The following PLEKHA8 variants were observed in gnomAD, a reference collection of about 807,000 sequenced individuals.
PLEKHA8 encodes the protein pleckstrin homology domain-containing family A member 8.
A neutral mutation model predicts 68.2 loss-of-function variants in PLEKHA8; 36 were observed. That is an observed-to-expected ratio of 0.53 (90% CI 0.40 to 0.70). PLEKHA8 has a LOEUF of 0.70. PLEKHA8 is among the 30% of genes least tolerant of loss of function. PLEKHA8 has a pLI of 0.00. For synonymous variants in PLEKHA8, 211 were observed against 216.1 expected, an observed-to-expected ratio of 0.98 and a Z score of 0.20; for missense variants, 505 against 615.4, an observed-to-expected ratio of 0.82 and a Z score of 1.90.
rs1312048633 is a variant in PLEKHA8, at chr7:30,083,642, G to GA, written c.*4862dup. ...TTTTTATATAGCCTTTAATTAAAAG[G>GA]AAAAAAATACCACTACTCTGCAATG... On this transcript the variant is annotated 3_prime_UTR_variant, in exon 14 of 14. Transcript: ENST00000449726. 22 of 985,018 alleles carry GA rather than the reference G, an allele frequency of 2.2e-5. No individual in the cohort carries two copies. The highest frequency in any genetic ancestry group is 2.7e-5 in the Non-Finnish European group (22 of 829,832). 61.0% of individuals were successfully genotyped at this position (985,018 alleles called of 1,614,324 possible).
chr7:30,115,962 G>GTATA (rs1796496579), intron 13 of PLEKHA8: 1 of 116,730 alleles, frequency 8.6e-6, no homozygotes, highest in Admixed American at 8.3e-5. Context: ...ATACATGCAT[G>GTATA]CATACATGTG....
intron 13 of PLEKHA8, among the ~76,000 whole-genome samples, chr7:30,115,681 C>CATGCATACACGTATACATGT (rs1562557514): frequency 4.4e-4 from 64 of 145,764 alleles, no homozygotes; most frequent in South Asian, 1.5e-3. Context: ...TACATACGCA[C>CATGCATACACGTATACATGT]ATACATGCAT....
At chr7:30,115,627 T>G (rs1471952531) in intron 13 of PLEKHA8, among the ~76,000 whole-genome samples, 1 of 151,578 alleles carries the variant, frequency 6.6e-6, no homozygotes, top group African/African-American at 2.4e-5. Context: ...CACACATACA[T>G]GTACACATAC....
At chr7:30,046,111 C>A in intron 2 of PLEKHA8, 99 bp from the exon 3 acceptor site, 1 of 1,188,006 alleles carries the variant, frequency 8.4e-7, no homozygotes, top group Non-Finnish European at 1.2e-6. Flanking sequence ...AAGAAGCCTT[C>A]AATGACTGCC....
chr7:30,108,970 T>G (rs1231231696), intron 13 of PLEKHA8, among the ~76,000 whole-genome samples: 1 of 152,198 alleles, frequency 6.6e-6, no homozygotes, highest in African/African-American at 2.4e-5. Context: ...TAGAAGAGCC[T>G]GGGGCTAGTG....
intron 13 of PLEKHA8, chr7:30,129,213 T>C: frequency 6.2e-7 from 1 of 1,612,026 alleles, no homozygotes; most frequent in Admixed American, 1.7e-5. Context: ...ACTAAAAGAG[T>C]AATGACAGTT....
At chr7:30,115,813 C>T (rs536298261) in intron 13 of PLEKHA8, 2 of 136,502 alleles carry the variant, frequency 1.5e-5, no homozygotes, top group African/African-American at 5.9e-5. Context: ...TACACGCATG[C>T]ATGTATACAT....
downstream of PLEKHA8, chr7:30,130,062 T>C (rs1796847715): frequency 6.6e-6 from 1 of 152,252 alleles, no homozygotes; most frequent in Admixed American, 6.5e-5. Context: ...CAGCAGCTTC[T>C]GGCTTAGTAA....
intron 13 of PLEKHA8, among the ~76,000 whole-genome samples, chr7:30,128,036 T>C (rs1322678636): frequency 2.0e-5 from 3 of 152,100 alleles, no homozygotes; most frequent in African/African-American, 7.2e-5. Flanking sequence ...GCTTTCATAC[T>C]TTCTCTATTA....
Position 30,082,524 on chromosome 7 carries a change from G to A in PLEKHA8, c.*3737G>A. ...AAAGCGGGTGAATGACATGACATGG[G>A]GCACCTAGGAAAGATGATTATTAGA... is the stretch of plus-strand genomic sequence containing the variant. On this transcript the variant is annotated 3_prime_UTR_variant, in exon 14 of 14. Transcript: ENST00000449726. 1 of 985,308 alleles carries A rather than the reference G, an allele frequency of 1.0e-6. No homozygotes were observed. The highest frequency in any genetic ancestry group is 1.1e-4 in the East Asian group (1 of 8,814). 61.0% of individuals were successfully genotyped at this position (985,308 alleles called of 1,614,324 possible).
chr7:30,055,485 A>C lies in PLEKHA8; in HGVS notation c.1039+143A>C, dbSNP rs1583822457. 1.3e-5 allele frequency: 9 copies of C among 685,060 alleles called. No individual in the cohort carries two copies. In the East Asian group the frequency reaches 2.4e-4, roughly 18 times the overall value. The allele number at this position is 685,060 out of a possible 1,614,324, so 42.4% of individuals were successfully genotyped here. A position where few individuals can be genotyped will look rare whatever the true frequency, so the allele number is the denominator to read the frequency against. On this transcript the variant is annotated intron_variant, in intron 9 of 13. Transcript: ENST00000449726. Reference sequence around the variant, plus strand: ...TTCAAATCACCAGACACATACAGTTAAAACTGTGTGACCTTAAGCATTATT... The same window carrying C: ...TTCAAATCACCAGACACATACAGTTCAAACTGTGTGACCTTAAGCATTATT...
At chr7:30,057,055 C>T (rs775526286) in intron 9 of PLEKHA8, among the ~76,000 whole-genome samples, 1 of 151,618 alleles carries the variant, frequency 6.6e-6, no homozygotes, top group Non-Finnish European at 1.5e-5. Context: ...TTTAACTATA[C>T]ATCTTTTGTA....
chr7:30,045,160 G>T lies in PLEKHA8; in HGVS notation c.116G>T (p.Gly39Val). 3 of 1,611,960 alleles carry T rather than the reference G, an allele frequency of 1.9e-6. No individual in the cohort carries two copies. The highest frequency in any genetic ancestry group is 2.5e-6 in the Non-Finnish European group (3 of 1,178,870). ...GATTCTCCTGAAGATGCCTGGAAAGGTTGCAAAGGGAGCATACAAATGGCA... is the reference window on the plus strand; with the variant it reads ...GATTCTCCTGAAGATGCCTGGAAAGTTTGCAAAGGGAGCATACAAATGGCA... ...YYDSPEDAWK[G>V]CKGSIQMAVC... The change falls in exon 2 of 14, where the codon GGT becomes GTT. Residue 39 changes from glycine (G) to valine (V), a missense_variant. By Grantham distance (109) the Gly-to-Val change is moderately radical. Coordinates refer to ENST00000449726, the MANE Select transcript of PLEKHA8 (RefSeq NM_001197026.2).
intron 13 of PLEKHA8, among the ~76,000 whole-genome samples, chr7:30,098,156 C>T (rs1475350502): frequency 6.6e-6 from 1 of 152,216 alleles, no homozygotes; most frequent in Admixed American, 6.5e-5. Context: ...TGGTGAACCG[C>T]AAACGCTGCT....
chr7:30,036,461 TA>T (rs1791107375), intron 1 of PLEKHA8, among the ~76,000 whole-genome samples: 2 of 145,450 alleles, frequency 1.4e-5, no homozygotes, highest in African/African-American at 2.5e-5. Flanking sequence ...GATAGATAGA[TA>T]GATTAGATAG....
At chr7:30,115,542 A>G (rs979088236) in intron 13 of PLEKHA8, among the ~76,000 whole-genome samples, 36 of 50,696 alleles carry the variant, frequency 7.1e-4, no homozygotes, top group Middle Eastern at 0.012. Flanking sequence ...ACATATGTAC[A>G]CATGCACGTA....
intron 13 of PLEKHA8, among the ~76,000 whole-genome samples, chr7:30,111,266 T>C (rs139463646): frequency 6.6e-6 from 1 of 152,116 alleles, no homozygotes. Context: ...ATGTATATGA[T>C]TTTCAAATAT....
At chr7:30,074,738 C>T (rs115511552) in intron 13 of PLEKHA8, among the ~76,000 whole-genome samples, 294 of 152,040 alleles carry the variant, frequency 1.9e-3, no homozygotes, top group African/African-American at 6.7e-3. Flanking sequence ...GTGCCAGTGG[C>T]TAGGAGGGCT....
In PLEKHA8 at chr7:30,082,863, G is replaced by A; in HGVS notation, c.*4076G>A. 3 of 985,234 alleles carry A rather than the reference G, an allele frequency of 3.0e-6. No individual in the cohort carries two copies. The highest frequency in any genetic ancestry group is 3.6e-6 in the Non-Finnish European group (3 of 829,894). The allele number at this position is 985,234 out of a possible 1,614,324, so 61.0% of individuals were successfully genotyped here. ...ATAGACGATGATGCGAGGCATTTGG[G>A]GAGCTTCCTGGAGGAAAATTAAGTT... is the stretch of plus-strand genomic sequence containing the variant. On this transcript the variant is annotated 3_prime_UTR_variant, in exon 14 of 14. Transcript: ENST00000449726.
Sources: gnomAD v4.1 joint callset for allele counts (sites outside exome capture counted in the v4.1 genomes callset) on GRCh38, gnomAD v4.1.1 for gene constraint, MANE v1.5 for transcripts, NCBI Gene and HGNC (gene_info 2026-07-23, HGNC 2026-07-21) for gene names.